The following BRINP2 variants were observed in gnomAD, a reference collection of about 807,000 sequenced individuals.
BRINP2 encodes the protein BMP/retinoic acid-inducible neural-specific protein 2.
A neutral mutation model predicts 69.2 loss-of-function variants in BRINP2; 21 were observed. The ratio of observed to expected loss-of-function variants is 0.30; its 90% CI spans 0.22 to 0.44. The LOEUF (loss-of-function observed/expected upper bound fraction) is 0.44. Among genes scored for constraint, BRINP2 ranks in the 20% least tolerant of loss-of-function variants. BRINP2 has a pLI of 1.00. For missense variants in BRINP2, 877 were observed against 986.0 expected, an observed-to-expected ratio of 0.89 and a Z score of 1.48; for synonymous variants, 380 against 394.1, an observed-to-expected ratio of 0.96 and a Z score of 0.42.
At chr1:177,256,819 C>A (rs576161739) in intron 3 of BRINP2, 2 of 1,158,664 alleles carry the variant, frequency 1.7e-6, no homozygotes, top group African/African-American at 3.2e-5. Flanking sequence ...TTTTGCCCTT[C>A]CTGAGGGAGC....
intron 4 of BRINP2, among the ~76,000 whole-genome samples, chr1:177,268,991 A>G (rs945460720): frequency 1.3e-5 from 2 of 152,190 alleles, no homozygotes; most frequent in Non-Finnish European, 2.9e-5. Context: ...CAGGGCTTAC[A>G]TTCAGCTGAT....
At chr1:177,191,568 C>T (rs1648595576) in intron 1 of BRINP2, among the ~76,000 whole-genome samples, 1 of 152,208 alleles carries the variant, frequency 6.6e-6, no homozygotes, top group African/African-American at 2.4e-5. Context: ...GATTCTCCTG[C>T]CTCAGCCTCC....
At chr1:177,252,777 T>C (rs559648734) in intron 2 of BRINP2, among the ~76,000 whole-genome samples, 2 of 152,262 alleles carry the variant, frequency 1.3e-5, no homozygotes, top group South Asian at 2.1e-4. Context: ...TCTAATTCCA[T>C]GAGATCAACT....
At chr1:177,273,154 C>T (rs1012979439) in intron 4 of BRINP2, among the ~76,000 whole-genome samples, 3 of 152,194 alleles carry the variant, frequency 2.0e-5, no homozygotes, top group Non-Finnish European at 4.4e-5. Flanking sequence ...TGGCCTCTTG[C>T]CTTCCTCTGG....
chr1:177,195,615 C>T (rs1648723042), intron 1 of BRINP2, among the ~76,000 whole-genome samples: 1 of 151,446 alleles, frequency 6.6e-6, no homozygotes, highest in Non-Finnish European at 1.5e-5. Flanking sequence ...GTTATTTAAC[C>T]CCTCTGGCTC....
chr1:177,187,849 T>G (rs1648474078), intron 1 of BRINP2, among the ~76,000 whole-genome samples: 1 of 152,170 alleles, frequency 6.6e-6, no homozygotes, highest in South Asian at 2.1e-4. Flanking sequence ...TTTCTATTTT[T>G]GTATATGTTT....
At chr1:177,190,238 AT>A (rs993308230) in intron 1 of BRINP2, among the ~76,000 whole-genome samples, 36 of 152,246 alleles carry the variant, frequency 2.4e-4, no homozygotes, top group African/African-American at 8.7e-4. Flanking sequence ...CAAAAACTCT[AT>A]GGAGAGGAAC....
chr1:177,253,299 C>T (rs189368135), intron 2 of BRINP2, among the ~76,000 whole-genome samples: 35 of 152,062 alleles, frequency 2.3e-4, no homozygotes, highest in Non-Finnish European at 2.8e-4. Context: ...TGATGATTAG[C>T]GATGTTGAGC....
intron 2 of BRINP2, among the ~76,000 whole-genome samples, chr1:177,247,906 G>A (rs1333970793): frequency 1.3e-5 from 2 of 152,164 alleles, no homozygotes; most frequent in African/African-American, 4.8e-5. Flanking sequence ...CTAGTATGCA[G>A]GGGCACACTG....
intron 4 of BRINP2, among the ~76,000 whole-genome samples, chr1:177,258,361 C>A (rs1357266913): frequency 6.6e-6 from 1 of 152,158 alleles, no homozygotes; most frequent in Non-Finnish European, 1.5e-5. Context: ...TTTATTAATT[C>A]ATTCAATAAG....
chr1:177,257,132 G>C, intron 3 of BRINP2, 44 bp from the exon 4 acceptor site: 1 of 1,608,668 alleles, frequency 6.2e-7, no homozygotes, highest in Non-Finnish European at 8.5e-7. Context: ...TAGGGGATTC[G>C]AGAGCAGAGA....
intron 1 of BRINP2, among the ~76,000 whole-genome samples, chr1:177,172,531 T>C (rs1300410437): frequency 6.6e-6 from 1 of 152,120 alleles, no homozygotes; most frequent in Non-Finnish European, 1.5e-5. Context: ...CAGCACCCTG[T>C]CCAAATCACG....
chr1:177,242,563 C>T (rs758473838), intron 2 of BRINP2, among the ~76,000 whole-genome samples: 2 of 152,152 alleles, frequency 1.3e-5, no homozygotes, highest in African/African-American at 2.4e-5. Flanking sequence ...AAATTATCAT[C>T]GCCATATGAA....
intron 1 of BRINP2, among the ~76,000 whole-genome samples, chr1:177,172,026 G>A (rs1287178224): frequency 2.0e-5 from 3 of 152,220 alleles, no homozygotes; most frequent in African/African-American, 7.2e-5. Flanking sequence ...AGTCCTCAAA[G>A]TTAGTGCAAC....
In BRINP2 at chr1:177,267,919, G is replaced by T. The variant is rs185494582; in HGVS notation, c.670-5569G>T. The stretch of plus-strand genomic sequence containing the variant: ...ACATTGAAAGTGAGATGAATATTCA[G>T]CTTCCACTGGGCTGACTGATCTGGG... On this transcript the variant is annotated intron_variant, in intron 4 of 7. Transcript: ENST00000361539. 3.9e-4 allele frequency among the ~76,000 whole-genome samples: 60 copies of T among 152,332 alleles called. 1 individual carries two copies. Among genetic ancestry groups the T allele is most frequent in the African/African-American group, 1.3e-3 (56 of 41,584 alleles).
chr1:177,179,821 G>C (rs1416058221), intron 1 of BRINP2, among the ~76,000 whole-genome samples: 2 of 152,120 alleles, frequency 1.3e-5, no homozygotes, highest in Non-Finnish European at 2.9e-5. Flanking sequence ...TGATCAAGGA[G>C]GGGTATGCAG....
intron 1 of BRINP2, among the ~76,000 whole-genome samples, chr1:177,191,413 C>A (rs1411178196): frequency 1.3e-5 from 2 of 152,036 alleles, no homozygotes; most frequent in Non-Finnish European, 2.9e-5. Flanking sequence ...GACTTAATGG[C>A]CTGGCAGTCC....
Position 177,276,279 on chromosome 1 carries a change from G to T in BRINP2, c.857G>T (p.Gly286Val). 1 of 1,614,240 alleles carries T rather than the reference G, an allele frequency of 6.2e-7. No homozygotes were observed. Among genetic ancestry groups the T allele is most frequent in the Non-Finnish European group, 8.5e-7 (1 of 1,180,046 alleles). Reference protein sequence around the residue: ...ALSYITCSSEGELVCKENDCW... With the variant: ...ALSYITCSSEVELVCKENDCW... ...AGCTACATCACATGCAGCTCTGAGG[G>T]TGAGCTCGTCTGCAAGGAGAATGAC... Residue 286 changes from glycine to valine, a missense_variant, in exon 6 of 8, where the codon GGT (glycine) becomes GTT (valine). This residue lies in a region of BRINP2 where 566 missense variants were observed against 625.2 expected (regional missense o/e 0.91). Coordinates refer to ENST00000361539, the MANE Select transcript of BRINP2 (RefSeq NM_021165.4).
intron 2 of BRINP2, among the ~76,000 whole-genome samples, chr1:177,231,698 A>G (rs563408377): frequency 2.6e-5 from 4 of 152,238 alleles, no homozygotes; most frequent in Non-Finnish European, 5.9e-5. Context: ...GTCCTGGAAG[A>G]GACTGCAGTT....
Sources: gnomAD v4.1 joint callset for allele counts (sites outside exome capture counted in the v4.1 genomes callset) on GRCh38, gnomAD v4.1.1 for gene constraint, gnomAD v4.1.1 regional missense constraint, MANE v1.5 for transcripts, NCBI Gene and HGNC (gene_info 2026-07-23, HGNC 2026-07-21) for gene names.